The following DPYD variants were observed in gnomAD, a reference collection of about 807,000 sequenced individuals.
DPYD encodes dihydropyrimidine dehydrogenase, also known as dihydropyrimidine dehydrogenase [NADP(+)].
Under a neutral mutation model 116.2 loss-of-function variants are expected in DPYD, and 109 were observed. That is an observed-to-expected ratio of 0.94 (90% CI 0.80 to 1.10). The LOEUF is 1.10. Ranked by LOEUF, DPYD falls within the 50% of genes least tolerant of loss-of-function variation. The probability of loss-of-function intolerance (pLI) is 0.00; values close to 1 mark genes in which losing one functional copy is unlikely to be tolerated. For synonymous variants in DPYD, 440 were observed against 432.0 expected (o/e 1.02, Z -0.23); for missense variants, 1,302 against 1,254.5 (o/e 1.04, Z -0.57).
chr1:97,779,978 T>C (rs549009533), intron 3 of DPYD, among the ~76,000 whole-genome samples: 1 of 152,290 alleles, frequency 6.6e-6, no homozygotes, highest in East Asian at 1.9e-4. Flanking sequence ...ATTGGGTGCC[T>C]AATATATAAT....
chr1:97,370,692 T>C (rs548018433), intron 16 of DPYD, among the ~76,000 whole-genome samples: 15 of 152,218 alleles, frequency 9.9e-5, no homozygotes, highest in Non-Finnish European at 2.1e-4. Context: ...CTATTTTTAA[T>C]GTTAACATTA....
intron 18 of DPYD, among the ~76,000 whole-genome samples, chr1:97,236,983 G>A (rs1351033759): frequency 2.6e-5 from 4 of 152,044 alleles, no homozygotes; most frequent in East Asian, 1.9e-4. Flanking sequence ...TTGGGAGGCC[G>A]AGGCAGAGGG....
rs549781158 is a variant in DPYD, at chr1:97,449,333, T to C, written c.1905+726A>G. ...GAAAGAAAGAGAAATAAGTTGTGTA[T>C]ATTTGAAAGAGACAGAGAATTGAGG... is the stretch of plus-strand genomic sequence containing the variant. On this transcript the variant is annotated intron_variant, in intron 14 of 22. Transcript: ENST00000370192. Among the ~76,000 whole-genome samples, 6 of 151,770 alleles carry C rather than the reference T, an allele frequency of 4.0e-5. No homozygotes were observed. In the South Asian group the frequency reaches 6.3e-4, roughly 16 times the overall value.
intron 5 of DPYD, among the ~76,000 whole-genome samples, chr1:97,718,684 T>C (rs563331736): frequency 6.6e-6 from 1 of 151,980 alleles, no homozygotes; most frequent in African/African-American, 2.4e-5. Context: ...TGCAGCTAAT[T>C]TTCTATGTAA....
At chr1:97,396,124 C>T (rs1430401218) in intron 14 of DPYD, among the ~76,000 whole-genome samples, 2 of 152,024 alleles carry the variant, frequency 1.3e-5, no homozygotes, top group Admixed American at 1.3e-4. Flanking sequence ...AGAACTATTA[C>T]ATGCTGTGTA....
At chr1:97,734,459 A>C (rs1432988144) in intron 4 of DPYD, among the ~76,000 whole-genome samples, 2 of 152,076 alleles carry the variant, frequency 1.3e-5, no homozygotes, top group African/African-American at 2.4e-5. Context: ...TGATATAATA[A>C]ATCTTTTTTG....
rs1671241183 is a variant in DPYD at position 97,863,841 on chromosome 1, TAG to T, written c.150+19421_150+19422del. On this transcript the variant is annotated intron_variant, in intron 2 of 22. Coordinates refer to ENST00000370192, the MANE Select transcript of DPYD (RefSeq NM_000110.4). ...GATCTGTCCAGAGGCAACTTATCTC[TAG>T]AGTCTTAATAAAGCATGAAGGTGAC... Among the ~76,000 whole-genome samples the T allele has an allele frequency of 2.0e-5, 3 of 151,464 alleles. No individual in the cohort carries two copies. The South Asian group carries it at 6.2e-4, about 31-fold the overall frequency.
chr1:97,595,250 T>A, intron 8 of DPYD, 84 bp from the exon 9 acceptor site: 1 of 1,037,238 alleles, frequency 9.6e-7, no homozygotes, highest in East Asian at 2.5e-5. Flanking sequence ...AAAACTTTAA[T>A]CTTTGAAATA....
At chr1:97,733,799 T>G (rs1370180455) in intron 4 of DPYD, among the ~76,000 whole-genome samples, 1 of 152,048 alleles carries the variant, frequency 6.6e-6, no homozygotes, top group Non-Finnish European at 1.5e-5. Context: ...GTTCTTTCCT[T>G]CCTGCTGAGT....
intron 3 of DPYD, among the ~76,000 whole-genome samples, chr1:97,817,697 A>C (rs922076542): frequency 5.3e-5 from 8 of 152,080 alleles, no homozygotes; most frequent in African/African-American, 1.9e-4. Flanking sequence ...CATGTAAACC[A>C]CTAATTTTCC....
chr1:97,400,167 G>T (rs1673288568), intron 14 of DPYD, among the ~76,000 whole-genome samples: 1 of 152,162 alleles, frequency 6.6e-6, no homozygotes, highest in South Asian at 2.1e-4. Context: ...AAGGGCTGTT[G>T]AATTTTGTCA....
chr1:97,595,421 T>C lies in DPYD; in HGVS notation c.851-255A>G, dbSNP rs3790386. Among the ~76,000 whole-genome samples the C allele has an allele frequency of 0.084, 12,840 of 152,030 alleles. 763 individuals are homozygous for C. The highest frequency in any genetic ancestry group is 0.13 in the Middle Eastern group (36 of 276). The stretch of plus-strand genomic sequence containing the variant: ...ATACCTATAAATATATGGAAACATA[T>C]GTATATACACACATAAACATATATA... On this transcript the variant is annotated intron_variant, in intron 8 of 22. Transcript: ENST00000370192.
chr1:97,332,165 G>A (rs183993161), intron 16 of DPYD, among the ~76,000 whole-genome samples: 10 of 152,272 alleles, frequency 6.6e-5, no homozygotes, highest in Non-Finnish European at 1.2e-4. Flanking sequence ...AGCTCTGCAA[G>A]TGGTAATCTG....
intron 12 of DPYD, among the ~76,000 whole-genome samples, chr1:97,545,292 T>C (rs923557183): frequency 1.3e-5 from 2 of 152,190 alleles, no homozygotes; most frequent in Non-Finnish European, 2.9e-5. Context: ...TCATAAAGTG[T>C]CCTATTAATT....
At position 97,761,430 on chromosome 1, in the gene DPYD, T is replaced by G. The variant is rs12061986; in HGVS notation, c.234-20951A>C. On this transcript the variant is annotated intron_variant, in intron 3 of 22. Coordinates refer to ENST00000370192, the MANE Select transcript of DPYD (RefSeq NM_000110.4). Reference sequence around the variant, plus strand: ...TATATGAAACAAAATGAGCAGAAATTAAAGAGAAATGGAGGGTACTAAAAT... The same window carrying G: ...TATATGAAACAAAATGAGCAGAAATGAAAGAGAAATGGAGGGTACTAAAAT... Among the ~76,000 whole-genome samples the G allele has an allele frequency of 6.8e-3, 1,037 of 152,022 alleles. 13 individuals are homozygous for G. Among genetic ancestry groups the G allele is most frequent in the African/African-American group, 0.023 (968 of 41,452 alleles).
chr1:97,919,086 C>A (rs1674370703), intron 1 of DPYD, among the ~76,000 whole-genome samples: 1 of 152,136 alleles, frequency 6.6e-6, no homozygotes, highest in Admixed American at 6.5e-5. Flanking sequence ...TTCCTCACTG[C>A]ATTATATTTT....
chr1:97,766,133 C>T (rs896683809), intron 3 of DPYD, among the ~76,000 whole-genome samples: 2 of 152,006 alleles, frequency 1.3e-5, no homozygotes, highest in African/African-American at 4.8e-5. Context: ...CCCAGCTACT[C>T]AGGAGACTGA....
At chr1:97,579,383 A>C (rs6663357) in intron 10 of DPYD, among the ~76,000 whole-genome samples, 116,889 of 152,080 alleles carry the variant, frequency 0.77, 46,425 homozygotes, top group East Asian at 0.96. Flanking sequence ...GCTATTAAAC[A>C]TCCATCCCAA....
intron 20 of DPYD, among the ~76,000 whole-genome samples, chr1:97,179,063 G>C (rs919040405): frequency 1.3e-5 from 2 of 152,136 alleles, no homozygotes; most frequent in Non-Finnish European, 2.9e-5. Flanking sequence ...CACTCATATG[G>C]AACATCCAAG....
Sources: allele counts gnomAD v4.1 joint callset (sites outside exome capture counted in the v4.1 genomes callset), GRCh38; gene constraint gnomAD v4.1.1; transcripts MANE v1.5; gene names NCBI Gene and HGNC (gene_info 2026-07-23, HGNC 2026-07-21).